The following KCNJ6 variants were observed in gnomAD, a reference collection of about 807,000 sequenced individuals.
The protein encoded by KCNJ6 is G protein-activated inward rectifier potassium channel 2.
In KCNJ6, 9 loss-of-function variants were observed where a neutral mutation model predicts 34.2. The ratio of observed to expected loss-of-function variants is 0.26; its 90% CI spans 0.16 to 0.46. KCNJ6 has a LOEUF of 0.46. Ranked by LOEUF, KCNJ6 falls within the 20% of genes least tolerant of loss-of-function variation. KCNJ6 has a pLI of 1.00. For synonymous variants in KCNJ6, 196 were observed against 207.1 expected (o/e 0.95, Z 0.46); for missense variants, 236 against 531.3 (o/e 0.44, Z 5.46).
At chr21:37,880,028 G>A (rs111282689) in intron 1 of KCNJ6, among the ~76,000 whole-genome samples, 332 of 151,674 alleles carry the variant, frequency 2.2e-3, no homozygotes, top group African/African-American at 7.1e-3. Flanking sequence ...GGAAGCTGAG[G>A]CAGGTGGATC....
At chr21:37,762,243 C>T (rs1030272329) in intron 2 of KCNJ6, among the ~76,000 whole-genome samples, 1 of 152,158 alleles carries the variant, frequency 6.6e-6, no homozygotes, top group African/African-American at 2.4e-5. Context: ...TGGGTGTCCC[C>T]GCACTTAGCA....
chr21:37,844,851 T>G (rs1266525888), intron 1 of KCNJ6, among the ~76,000 whole-genome samples: 1 of 152,214 alleles, frequency 6.6e-6, no homozygotes, highest in African/African-American at 2.4e-5. Context: ...CTGTATAATT[T>G]GTTATGGCAT....
chr21:37,655,231 GAGAGAGAGAGAGAGAGAGA>G (rs2054456787), intron 3 of KCNJ6, among the ~76,000 whole-genome samples: 1 of 1,766 alleles, frequency 5.7e-4, no homozygotes, highest in Non-Finnish European at 1.1e-3. Context: ...GTGTGAGAGA[GAGAGAGAGAGAGAGAGAGA>G]GAGAGAGAGA....
intron 1 of KCNJ6, among the ~76,000 whole-genome samples, chr21:37,899,519 A>G (rs1378665529): frequency 6.6e-6 from 1 of 152,048 alleles, no homozygotes; most frequent in Non-Finnish European, 1.5e-5. Flanking sequence ...CTAATACACT[A>G]CCACACTTTT....
intron 3 of KCNJ6, among the ~76,000 whole-genome samples, chr21:37,709,809 T>C (rs1482210562): frequency 1.3e-5 from 2 of 152,234 alleles, no homozygotes; most frequent in Non-Finnish European, 2.9e-5. Context: ...TAAAATTCTC[T>C]GCCTGGGAAT....
intron 2 of KCNJ6, among the ~76,000 whole-genome samples, chr21:37,728,040 G>C (rs1203632620): frequency 1.3e-5 from 2 of 152,216 alleles, no homozygotes; most frequent in Admixed American, 6.5e-5. Flanking sequence ...TGGCCAAAAG[G>C]TGGTAGCAAT....
At chr21:37,707,189 C>T (rs1321937620) in intron 3 of KCNJ6, among the ~76,000 whole-genome samples, 3 of 152,238 alleles carry the variant, frequency 2.0e-5, no homozygotes, top group African/African-American at 7.2e-5. Flanking sequence ...CAGGTTAACA[C>T]TCGCTGTTTT....
At chr21:37,811,733 C>A (rs867254019) in intron 2 of KCNJ6, among the ~76,000 whole-genome samples, 4 of 152,012 alleles carry the variant, frequency 2.6e-5, no homozygotes, top group Admixed American at 1.3e-4. Flanking sequence ...AACTACCAAG[C>A]TCTAGAATTT....
intron 2 of KCNJ6, among the ~76,000 whole-genome samples, chr21:37,747,348 A>G (rs1187334340): frequency 1.3e-5 from 2 of 152,214 alleles, no homozygotes; most frequent in African/African-American, 2.4e-5. Flanking sequence ...TGGCTGTGGT[A>G]GGCAAAGCAC....
At chr21:37,632,129 G>T (rs2054336575) in intron 3 of KCNJ6, among the ~76,000 whole-genome samples, 1 of 151,884 alleles carries the variant, frequency 6.6e-6, no homozygotes, top group Non-Finnish European at 1.5e-5. Context: ...CGGGGGGAGG[G>T]GTGGATCTCA....
chr21:37,669,318 G>A (rs1287481884), intron 3 of KCNJ6, among the ~76,000 whole-genome samples: 2 of 152,156 alleles, frequency 1.3e-5, no homozygotes, highest in African/African-American at 2.4e-5. Context: ...TGACCAAGCC[G>A]TAACCCAGTC....
chr21:37,838,959 T>C (rs2055465601), intron 2 of KCNJ6, among the ~76,000 whole-genome samples: 1 of 152,178 alleles, frequency 6.6e-6, no homozygotes, highest in African/African-American at 2.4e-5. Context: ...TACTTCCTCC[T>C]GTTCTGGCCA....
rs148030491 is a variant in KCNJ6, at chr21:37,788,452, T to C, written c.25+52206A>G. Among the ~76,000 whole-genome samples, 580 of 152,302 alleles carry C rather than the reference T, an allele frequency of 3.8e-3. 1 individual carries two copies. Among genetic ancestry groups the C allele is most frequent in the African/African-American group, 0.012 (499 of 41,548 alleles). ...AGCATACTTCCTATAATTTGACCAATGTGCCTGTGAAAGATTGTAAAAATG... is the reference window on the plus strand; with the variant it reads ...AGCATACTTCCTATAATTTGACCAACGTGCCTGTGAAAGATTGTAAAAATG... On this transcript the variant is annotated intron_variant, in intron 2 of 3. Transcript: ENST00000609713.
At position 37,702,234 on chromosome 21, in the gene KCNJ6, C is replaced by CAAAAAAA. The variant is rs374421896; in HGVS notation, c.946+11970_946+11976dup. On this transcript the variant is annotated intron_variant, in intron 3 of 3. Transcript: ENST00000609713. ...GATGACAGAGTGAGATTTTGTCTCACAAAAAAAAAAAAAAAAAAAAGCTCT... is the reference window on the plus strand; with the variant it reads ...GATGACAGAGTGAGATTTTGTCTCACAAAAAAAAAAAAAAAAAAAAAAAAAAAGCTCT... Among the ~76,000 whole-genome samples the CAAAAAAA allele has an allele frequency of 3.1e-5, 3 of 97,782 alleles. 1 individual carries two copies. Among genetic ancestry groups the CAAAAAAA allele is most frequent in the Admixed American group, 1.3e-4 (1 of 7,596 alleles). 64.1% of individuals were successfully genotyped at this position (97,782 alleles called of 152,430 possible).
At chr21:37,763,228 T>A (rs2055074626) in intron 2 of KCNJ6, among the ~76,000 whole-genome samples, 1 of 152,176 alleles carries the variant, frequency 6.6e-6, no homozygotes, top group Non-Finnish European at 1.5e-5. Flanking sequence ...CCACGCTGGA[T>A]GGCAGCCTGC....
chr21:37,890,256 C>T (rs1396048688), intron 1 of KCNJ6, among the ~76,000 whole-genome samples: 2 of 151,998 alleles, frequency 1.3e-5, no homozygotes, highest in East Asian at 3.9e-4. Context: ...GGGAAAAGCC[C>T]CTTATAAAAC....
intron 1 of KCNJ6, among the ~76,000 whole-genome samples, chr21:37,890,231 A>C (rs952817535): frequency 4.6e-5 from 7 of 152,188 alleles, no homozygotes; most frequent in African/African-American, 1.7e-4. Context: ...AGGAGGGAGA[A>C]GTGCCAAGCA....
At chr21:37,725,042 A>C (rs895692425) in intron 2 of KCNJ6, among the ~76,000 whole-genome samples, 3 of 152,252 alleles carry the variant, frequency 2.0e-5, no homozygotes, top group African/African-American at 7.2e-5. Flanking sequence ...GTAAATGTCT[A>C]TTAAAAAAAC....
At position 37,851,898 on chromosome 21, in the gene KCNJ6, T is replaced by C. The variant is rs569022234; in HGVS notation, c.-27-11189A>G. Among the ~76,000 whole-genome samples, 5 of 136,272 alleles carry C rather than the reference T, an allele frequency of 3.7e-5. No homozygotes were observed. The East Asian group carries it at 1.0e-3, about 28-fold the overall frequency. The allele number at this position is 136,272 out of a possible 152,430, so 89.4% of individuals were successfully genotyped here. A position where few individuals can be genotyped will look rare whatever the true frequency, so the allele number is the denominator to read the frequency against. ...TAACATGGGAGTGAGCTCTCTGAGT[T>C]CTTTTTTTTTTTTTCTATATTGTTT... On this transcript the variant is annotated intron_variant, in intron 1 of 3. Transcript: ENST00000609713.
Sources: gnomAD v4.1 joint callset for allele counts (sites outside exome capture counted in the v4.1 genomes callset) on GRCh38, gnomAD v4.1.1 for gene constraint, MANE v1.5 for transcripts, NCBI Gene and HGNC (gene_info 2026-07-23, HGNC 2026-07-21) for gene names.